Variants in ABCA1 observed in about 807,000 individuals in gnomAD.
The protein encoded by ABCA1 is ATP binding cassette subfamily A member 1, also known as phospholipid-transporting ATPase ABCA1.
A neutral mutation model predicts 262.5 loss-of-function variants in ABCA1; 133 were observed. The observed-to-expected ratio is 0.51, with a 90% CI of 0.44 to 0.59. The LOEUF (loss-of-function observed/expected upper bound fraction) is 0.59. Among genes scored for constraint, ABCA1 ranks in the 20% least tolerant of loss-of-function variants. The probability of loss-of-function intolerance (pLI) is 0.00; values close to 1 mark genes in which losing one functional copy is unlikely to be tolerated. For synonymous variants in ABCA1, 1,022 were observed against 1,043.5 expected (o/e 0.98, Z 0.40); for missense variants, 2,452 against 2,777.5 (o/e 0.88, Z 2.63).
In ABCA1 at chr9:104,858,661, A is replaced by G; in HGVS notation, c.581T>C (p.Leu194Pro). Residue 194 changes from leucine (L) to proline (P), a missense_variant, in exon 7 of 50, where the codon CTG becomes CCG. Leu to Pro is a moderately conservative substitution (Grantham distance 98). This residue lies in a region of ABCA1 where 1,032 missense variants were observed against 1,089.7 expected (regional missense o/e 0.95). Coordinates refer to ENST00000374736, the MANE Select transcript of ABCA1 (RefSeq NM_005502.4). The part of the protein sequence containing the change: ...LQGYQLHLTS[L>P]CNGSKSEEMI... ...CTCTTCTGATTTTGATCCATTGCAC[A>G]GACTTGTCAAATGTAACTGGTAGCC... 1 of 1,614,228 alleles carries G rather than the reference A, an allele frequency of 6.2e-7. No homozygotes were observed. Among genetic ancestry groups the G allele is most frequent in the Non-Finnish European group, 8.5e-7 (1 of 1,180,038 alleles).
intron 29 of ABCA1, among the ~76,000 whole-genome samples, chr9:104,810,587 G>C (rs1369179778): frequency 2.0e-5 from 3 of 152,168 alleles, no homozygotes; most frequent in Non-Finnish European, 4.4e-5. Context: ...ATGAAGAGGA[G>C]AGAGGCTGAA....
intron 5 of ABCA1, among the ~76,000 whole-genome samples, chr9:104,871,715 G>T (rs1837622671): frequency 6.6e-6 from 1 of 152,112 alleles, no homozygotes; most frequent in Admixed American, 6.6e-5. Flanking sequence ...ACAGCTGGAA[G>T]ACAAAAGGAG....
intron 1 of ABCA1, among the ~76,000 whole-genome samples, chr9:104,923,961 G>C (rs1842286240): frequency 6.6e-6 from 1 of 152,204 alleles, no homozygotes; most frequent in Non-Finnish European, 1.5e-5. Context: ...AGGATCACGT[G>C]AGCGCAGGAG....
chr9:104,804,819 G>A (rs938737897), intron 31 of ABCA1, 99 bp from the exon 32 acceptor site: 21 of 1,060,538 alleles, frequency 2.0e-5, no homozygotes, highest in Non-Finnish European at 2.5e-5. Flanking sequence ...CAGTGTGACC[G>A]GAAACCTGAC....
At chr9:104,878,558 G>A (rs981343373) in intron 5 of ABCA1, among the ~76,000 whole-genome samples, 2 of 152,076 alleles carry the variant, frequency 1.3e-5, no homozygotes, top group African/African-American at 4.8e-5. Flanking sequence ...GTAGACTTGG[G>A]ACAGTCACTT....
intron 3 of ABCA1, among the ~76,000 whole-genome samples, chr9:104,886,250 T>C (rs560258823): frequency 1.3e-5 from 2 of 152,334 alleles, no homozygotes; most frequent in East Asian, 3.9e-4. Flanking sequence ...GTTTTATTCA[T>C]CTTTTTATTT....
intron 49 of ABCA1, among the ~76,000 whole-genome samples, chr9:104,784,936 G>GTA (rs1828792677): frequency 3.3e-5 from 5 of 151,924 alleles, no homozygotes; most frequent in Admixed American, 6.6e-5. Flanking sequence ...GAGCCACCAC[G>GTA]CCCGGCCAAA....
chr9:104,798,713 A>C, intron 36 of ABCA1, 115 bp from the exon 37 acceptor site: 2 of 896,528 alleles, frequency 2.2e-6, no homozygotes, highest in Non-Finnish European at 3.6e-6. Context: ...GAGATATCTG[A>C]GGCACAGCCC....
Position 104,819,634 on chromosome 9 carries a change from G to A in ABCA1, c.3193C>T (p.Pro1065Ser). 1 of 1,614,188 alleles carries A rather than the reference G, an allele frequency of 6.2e-7. No individual in the cohort carries two copies. The change falls in exon 22 of 50, where the codon CCT becomes TCT. Residue 1065 changes from proline (P) to serine (S), a missense_variant. Pro to Ser is a moderately conservative substitution (Grantham distance 74). Coordinates refer to ENST00000374736, the MANE Select transcript of ABCA1 (RefSeq NM_005502.4). ...TCCCATATTCCCCTGCGGGAGTAAG[G>A]GTCCACACCAGCTGTGGGTTCATCC... ...ILDEPTAGVD[P>S]YSRRGIWELL... is the part of the protein sequence containing the mutation.
At chr9:104,900,410 T>C (rs2791950) in intron 2 of ABCA1, among the ~76,000 whole-genome samples, 71,138 of 151,830 alleles carry the variant, frequency 0.47, 18,463 homozygotes, top group African/African-American at 0.71. Flanking sequence ...ACAGGAACTG[T>C]GCAATGAACA....
Position 104,856,346 on chromosome 9 carries a change from G to A in ABCA1, c.720+2176C>T, listed in dbSNP as rs546107505. On this transcript the variant is annotated intron_variant, in intron 7 of 49. Transcript: ENST00000374736. ...AGAGAGGTCTCTTGGTAACAGCAGAGGGGCAGAAGCAGAACCTGAGTGCTC... is the reference window on the plus strand; with the variant it reads ...AGAGAGGTCTCTTGGTAACAGCAGAAGGGCAGAAGCAGAACCTGAGTGCTC... Among the ~76,000 whole-genome samples the A allele has an allele frequency of 3.5e-4, 54 of 152,278 alleles. 2 individuals are homozygous for A. In the South Asian group the frequency reaches 0.011, roughly 31 times the overall value.
intron 7 of ABCA1, among the ~76,000 whole-genome samples, chr9:104,852,196 G>C (rs1835435171): frequency 6.6e-6 from 1 of 152,186 alleles, no homozygotes; most frequent in Non-Finnish European, 1.5e-5. Flanking sequence ...GCTGGGATTA[G>C]TATGTTTTAG....
At chr9:104,806,649 G>C (rs1174686892) in intron 30 of ABCA1, among the ~76,000 whole-genome samples, 1 of 152,130 alleles carries the variant, frequency 6.6e-6, no homozygotes, top group African/African-American at 2.4e-5. Context: ...TTATACATAA[G>C]TAAAATAGAA....
chr9:104,786,201 T>C, intron 48 of ABCA1, 97 bp downstream of exon 48: 1 of 1,051,210 alleles, frequency 9.5e-7, no homozygotes, highest in Non-Finnish European at 1.5e-6. Context: ...CTCAGTTTTA[T>C]TTCCCTTTAT....
chr9:104,789,480 T>G (rs1379336328), intron 44 of ABCA1, among the ~76,000 whole-genome samples: 1 of 152,208 alleles, frequency 6.6e-6, no homozygotes, highest in Non-Finnish European at 1.5e-5. Flanking sequence ...ATACATTAAT[T>G]TCCTTGCTCT....
At chr9:104,799,628 T>C (rs1830171591) in intron 36 of ABCA1, 191 bp downstream of exon 36, 3 of 985,448 alleles carry the variant, frequency 3.0e-6, no homozygotes, top group Non-Finnish European at 1.2e-6. Context: ...TTTTCTCTTC[T>C]GCAGTTCAAG....
At position 104,803,319 on chromosome 9, in the gene ABCA1, G is replaced by A. The variant is rs755329666; in HGVS notation, c.4560-3C>T. The A allele has an allele frequency of 6.2e-7, 1 of 1,614,050 alleles. No homozygotes were observed. The highest frequency in any genetic ancestry group is 1.1e-5 in the South Asian group (1 of 91,078). On this transcript the variant is annotated splice_polypyrimidine_tract_variant and splice_region_variant and intron_variant, in intron 32 of 49. Coordinates refer to ENST00000374736, the MANE Select transcript of ABCA1 (RefSeq NM_005502.4). ...TCACCCAGATCTTGTTCTTTAAGCT[G>A]CAGAGACAAAGAAACAAAAAATCAG...
Position 104,831,678 on chromosome 9 carries a change from CT to C in ABCA1, c.1658del (p.Lys553SerfsTer56). ...TGTCAATGTCCATTCGGATCTTGTA[CT>C]TGACATGATGGGGCAGCTCAATGCT... ...PGSIELPHHV[K>X]YKIRMDIDNV... On this transcript the variant is annotated frameshift_variant, in exon 13 of 50. Coordinates refer to ENST00000374736, the MANE Select transcript of ABCA1 (RefSeq NM_005502.4). LOFTEE classifies it high-confidence loss of function. 6.2e-7 allele frequency: 1 copy of C among 1,614,186 alleles called. No homozygotes were observed. The highest frequency in any genetic ancestry group is 8.5e-7 in the Non-Finnish European group (1 of 1,180,038).
intron 11 of ABCA1, 79 bp downstream of exon 11, chr9:104,836,901 C>G: frequency 1.7e-6 from 2 of 1,161,024 alleles, no homozygotes; most frequent in South Asian, 1.2e-5. Context: ...TCTCACCTCA[C>G]TCACACCTGG....
Sources: gnomAD v4.1 joint callset for allele counts (sites outside exome capture counted in the v4.1 genomes callset) on GRCh38, gnomAD v4.1.1 for gene constraint, gnomAD v4.1.1 regional missense constraint, MANE v1.5 for transcripts, NCBI Gene and HGNC (gene_info 2026-07-23, HGNC 2026-07-21) for gene names.